Variants in CNTNAP5 observed in about 807,000 individuals in gnomAD.
The protein encoded by CNTNAP5 is contactin associated protein family member 5.
In CNTNAP5, 72 loss-of-function variants were observed where a neutral mutation model predicts 150.2. The ratio of observed to expected loss-of-function variants is 0.48; its 90% CI spans 0.40 to 0.58. CNTNAP5 has a LOEUF of 0.58. CNTNAP5 is among the 20% of genes least tolerant of loss of function. The pLI is 0.00. For synonymous variants in CNTNAP5, 672 were observed against 619.8 expected (o/e 1.08, Z -1.25); for missense variants, 1,636 against 1,626.2 (o/e 1.01, Z -0.10).
chr2:124,169,277 G>A (rs1037085260), intron 1 of CNTNAP5, among the ~76,000 whole-genome samples: 7 of 152,004 alleles, frequency 4.6e-5, no homozygotes, highest in South Asian at 2.1e-4. Flanking sequence ...GGACTGGCTC[G>A]GGGATGTTGG....
At chr2:124,029,765 T>A (rs143512358) in intron 1 of CNTNAP5, among the ~76,000 whole-genome samples, 1 of 152,114 alleles carries the variant, frequency 6.6e-6, no homozygotes, top group African/African-American at 2.4e-5. Flanking sequence ...AACAAAGTAA[T>A]GCGATATCAT....
At chr2:124,888,330 T>A (rs1443720033) in intron 21 of CNTNAP5, among the ~76,000 whole-genome samples, 1 of 152,176 alleles carries the variant, frequency 6.6e-6, no homozygotes, top group African/African-American at 2.4e-5. Context: ...TACCACATTT[T>A]CCCTTTCCAT....
chr2:124,083,759 T>G (rs77885227), intron 1 of CNTNAP5, among the ~76,000 whole-genome samples: 14,475 of 152,106 alleles, frequency 0.095, 731 homozygotes, highest in Non-Finnish European at 0.12. Flanking sequence ...TTTTCTTCCT[T>G]CTTTGTTGTT....
intron 12 of CNTNAP5, among the ~76,000 whole-genome samples, chr2:124,616,626 T>G (rs1274930563): frequency 6.6e-6 from 1 of 152,228 alleles, no homozygotes; most frequent in Non-Finnish European, 1.5e-5. Context: ...CTTGGCTAAC[T>G]TGCACAAGAG....
In CNTNAP5 at chr2:124,448,403, T is replaced by A. The variant is rs1035899618; in HGVS notation, c.918+1466T>A. Among the ~76,000 whole-genome samples the A allele has an allele frequency of 2.0e-5, 3 of 152,176 alleles. No homozygotes were observed. In the South Asian group the frequency reaches 6.2e-4, roughly 32 times the overall value. ...TTTGCCTGTCTCTTTTAACTAAAGG[T>A]GCTCTGGAGGTATTTCATGACTATT... On this transcript the variant is annotated intron_variant, in intron 6 of 23. Coordinates refer to ENST00000682447, the MANE Select transcript of CNTNAP5 (RefSeq NM_001367498.1).
intron 3 of CNTNAP5, among the ~76,000 whole-genome samples, chr2:124,373,855 A>G (rs970254587): frequency 6.7e-6 from 1 of 148,242 alleles, no homozygotes; most frequent in Non-Finnish European, 1.5e-5. Flanking sequence ...AAAAATTTTA[A>G]TAGGCATATA....
chr2:124,667,973 C>T (rs1221821608), intron 13 of CNTNAP5, among the ~76,000 whole-genome samples: 4 of 152,120 alleles, frequency 2.6e-5, no homozygotes, highest in African/African-American at 4.8e-5. Context: ...TTGCCACAGA[C>T]GAATATGATG....
intron 1 of CNTNAP5, among the ~76,000 whole-genome samples, chr2:124,074,715 G>T (rs748491605): frequency 2.6e-5 from 4 of 151,942 alleles, no homozygotes; most frequent in Non-Finnish European, 2.9e-5. Context: ...GGAGGGAATG[G>T]GTAAAGCAGG....
chr2:124,276,988 T>C (rs961980140), intron 3 of CNTNAP5, among the ~76,000 whole-genome samples: 52 of 152,088 alleles, frequency 3.4e-4, no homozygotes, highest in African/African-American at 1.2e-3. Context: ...ACCTCCTACC[T>C]GAAGTGGTGC....
chr2:124,372,343 C>T lies in CNTNAP5; in HGVS notation c.382-45100C>T, dbSNP rs1357297359. On this transcript the variant is annotated intron_variant, in intron 3 of 23. Coordinates refer to ENST00000682447, the MANE Select transcript of CNTNAP5 (RefSeq NM_001367498.1). ...GAGCATGCTACCAGCTTTTTTTGTT[C>T]TCCAGCTTGCAGACCGCCTATGGTG... Among the ~76,000 whole-genome samples, 12 of 151,928 alleles carry T rather than the reference C, an allele frequency of 7.9e-5. 1 individual carries two copies. Among genetic ancestry groups the T allele is most frequent in the Admixed American group, 6.6e-4 (10 of 15,238 alleles).
intron 13 of CNTNAP5, among the ~76,000 whole-genome samples, chr2:124,679,638 C>A (rs1337752400): frequency 6.6e-6 from 1 of 151,268 alleles, no homozygotes; most frequent in Non-Finnish European, 1.5e-5. Context: ...TGCAGTGATG[C>A]AATCACTGCA....
intron 7 of CNTNAP5, among the ~76,000 whole-genome samples, chr2:124,479,072 T>C (rs942809633): frequency 2.6e-5 from 4 of 152,078 alleles, no homozygotes; most frequent in Admixed American, 6.6e-5. Flanking sequence ...ATTCTCCACA[T>C]CCCGAAATGC....
intron 21 of CNTNAP5, among the ~76,000 whole-genome samples, chr2:124,883,527 T>G (rs1678011994): frequency 6.6e-6 from 1 of 152,064 alleles, no homozygotes; most frequent in African/African-American, 2.4e-5. Flanking sequence ...CTTTCAGAGT[T>G]TAATATGGAA....
Position 124,220,012 on chromosome 2 carries a change from G to T in CNTNAP5, c.83-1693G>T, listed in dbSNP as rs370676712. On this transcript the variant is annotated intron_variant, in intron 1 of 23. Transcript: ENST00000682447. ...TTGGGAAAAACTCAAAATACACTTT[G>T]CCAGTTGATTTTTTAATACACTTAA... Among the ~76,000 whole-genome samples, 5 of 152,012 alleles carry T rather than the reference G, an allele frequency of 3.3e-5. No individual in the cohort carries two copies. In the South Asian group the frequency reaches 6.2e-4, roughly 19 times the overall value.
intron 1 of CNTNAP5, among the ~76,000 whole-genome samples, chr2:124,124,162 G>GA (rs1467974034): frequency 2.0e-5 from 3 of 152,006 alleles, no homozygotes; most frequent in East Asian, 1.9e-4. Context: ...TAAAATACTT[G>GA]AAAAAAGATT....
intron 14 of CNTNAP5, among the ~76,000 whole-genome samples, chr2:124,753,314 T>G (rs919601483): frequency 4.2e-4 from 64 of 152,222 alleles, no homozygotes; most frequent in African/African-American, 1.4e-3. Context: ...GTTCTACTTT[T>G]CTGTTACAGA....
intron 3 of CNTNAP5, among the ~76,000 whole-genome samples, chr2:124,346,916 CAAAAAA>C: frequency 9.2e-6 from 1 of 109,040 alleles, no homozygotes; most frequent in African/African-American, 3.6e-5. Flanking sequence ...ATTAAAAATA[CAAAAAA>C]AAAAAAAAAA....
chr2:124,167,659 G>A (rs1324447752), intron 1 of CNTNAP5, among the ~76,000 whole-genome samples: 1 of 152,168 alleles, frequency 6.6e-6, no homozygotes, highest in East Asian at 1.9e-4. Context: ...CAGGGAACCT[G>A]TCTAGACAGC....
At chr2:124,054,483 A>G (rs147794850) in intron 1 of CNTNAP5, among the ~76,000 whole-genome samples, 13 of 152,252 alleles carry the variant, frequency 8.5e-5, no homozygotes, top group Non-Finnish European at 1.8e-4. Context: ...GGACTTGTCT[A>G]CTGAGAGCAG....
Sources: allele counts gnomAD v4.1 joint callset (sites outside exome capture counted in the v4.1 genomes callset), GRCh38; gene constraint gnomAD v4.1.1; transcripts MANE v1.5; gene names NCBI Gene and HGNC (gene_info 2026-07-23, HGNC 2026-07-21).